Variants in CCDC178 observed in about 807,000 individuals in gnomAD.
The protein encoded by CCDC178 is coiled-coil domain containing 178.
Under a neutral mutation model 117.4 loss-of-function variants are expected in CCDC178, and 126 were observed. That is an observed-to-expected ratio of 1.07 (90% CI 0.93 to 1.24). The LOEUF is 1.24. Ranked by LOEUF, CCDC178 falls within the 50% of genes most tolerant of loss-of-function variation. The probability of loss-of-function intolerance (pLI) is 0.00; values close to 1 mark genes in which losing one functional copy is unlikely to be tolerated. For synonymous variants in CCDC178, 283 were observed against 313.4 expected (o/e 0.90, Z 1.02); for missense variants, 1,030 against 986.9 (o/e 1.04, Z -0.59).
chr18:33,123,856 A>G (rs2057968987), intron 20 of CCDC178, among the ~76,000 whole-genome samples: 1 of 152,152 alleles, frequency 6.6e-6, no homozygotes, highest in East Asian at 1.9e-4. Flanking sequence ...AAATCAGCAA[A>G]TATATTACAA....
At chr18:33,400,629 G>A (rs2063697241) in intron 3 of CCDC178, among the ~76,000 whole-genome samples, 1 of 152,172 alleles carries the variant, frequency 6.6e-6, no homozygotes, top group African/African-American at 2.4e-5. Context: ...GAACTGAATA[G>A]AGTTAGGGCC....
At chr18:33,305,892 G>A (rs1330751371) in intron 11 of CCDC178, among the ~76,000 whole-genome samples, 2 of 152,124 alleles carry the variant, frequency 1.3e-5, no homozygotes, top group African/African-American at 2.4e-5. Context: ...AAGACACCTA[G>A]GGGAGACTGC....
At chr18:33,436,317 A>T (rs1255985670) in intron 2 of CCDC178, among the ~76,000 whole-genome samples, 1 of 152,180 alleles carries the variant, frequency 6.6e-6, no homozygotes, top group Non-Finnish European at 1.5e-5. Flanking sequence ...ATAGGAGCAG[A>T]GTTTAGGTAA....
At position 33,342,775 on chromosome 18, in the gene CCDC178, T is replaced by C. The variant is rs541691699; in HGVS notation, c.658+3436A>G. Among the ~76,000 whole-genome samples, 6 of 152,312 alleles carry C rather than the reference T, an allele frequency of 3.9e-5. No individual in the cohort carries two copies. In the South Asian group the frequency reaches 1.2e-3, roughly 32 times the overall value. On this transcript the variant is annotated intron_variant, in intron 9 of 22. Coordinates refer to ENST00000383096, the MANE Select transcript of CCDC178 (RefSeq NM_001105528.4). ...TCAGCAAATAAGAAAATGCTTATTG[T>C]TGTAAGCCACTGAGTTCCAAGGTGG...
intron 12 of CCDC178, among the ~76,000 whole-genome samples, chr18:33,269,831 C>T (rs1447403683): frequency 6.6e-6 from 1 of 151,490 alleles, no homozygotes; most frequent in African/African-American, 2.4e-5. Flanking sequence ...TTTTCAACAA[C>T]TAAAAATGAG....
In CCDC178 at chr18:33,268,426, A is replaced by C. The variant is rs114051214; in HGVS notation, c.1177-1129T>G. Among the ~76,000 whole-genome samples, 739 of 152,014 alleles carry C rather than the reference A, an allele frequency of 4.9e-3. 5 individuals are homozygous for C. Among genetic ancestry groups the C allele is most frequent in the African/African-American group, 0.017 (707 of 41,532 alleles). On this transcript the variant is annotated intron_variant, in intron 12 of 22. Coordinates refer to ENST00000383096, the MANE Select transcript of CCDC178 (RefSeq NM_001105528.4). ...TGAAATCTCTGTTTAAAAAAATTCAAAGTGGTCTCTATACCTCACATCTAA... is the reference window on the plus strand; with the variant it reads ...TGAAATCTCTGTTTAAAAAAATTCACAGTGGTCTCTATACCTCACATCTAA...
In CCDC178 at chr18:33,182,870, C is replaced by T. The variant is rs148954683; in HGVS notation, c.2238+29026G>A. Reference sequence around the variant, plus strand: ...TTAAAAAGTATATTTGCAATGTGACCGTTTGGTTTAATGATCAATTCTTAA... The same window carrying T: ...TTAAAAAGTATATTTGCAATGTGACTGTTTGGTTTAATGATCAATTCTTAA... On this transcript the variant is annotated intron_variant, in intron 20 of 22. Transcript: ENST00000383096. Among the ~76,000 whole-genome samples, 351 of 151,762 alleles carry T rather than the reference C, an allele frequency of 2.3e-3. 2 individuals are homozygous for T. Among genetic ancestry groups the T allele is most frequent in the African/African-American group, 7.7e-3 (320 of 41,458 alleles).
At chr18:33,134,802 A>G (rs535541223) in intron 20 of CCDC178, among the ~76,000 whole-genome samples, 4 of 152,204 alleles carry the variant, frequency 2.6e-5, no homozygotes, top group East Asian at 1.9e-4. Context: ...GTTTTCACAC[A>G]TAAGTTTCTC....
At chr18:33,306,776 C>T (rs2062261428) in intron 11 of CCDC178, among the ~76,000 whole-genome samples, 2 of 151,756 alleles carry the variant, frequency 1.3e-5, no homozygotes, top group South Asian at 4.2e-4. Context: ...ATTGTAGCTC[C>T]CATAATCCCC....
intron 21 of CCDC178, among the ~76,000 whole-genome samples, chr18:33,058,095 T>G (rs1400936098): frequency 1.3e-5 from 2 of 151,950 alleles, no homozygotes; most frequent in African/African-American, 4.8e-5. Flanking sequence ...TAAGAGTTCA[T>G]CAAAAGGTAA....
chr18:33,060,614 G>T (rs546871798), intron 21 of CCDC178, among the ~76,000 whole-genome samples: 1 of 151,922 alleles, frequency 6.6e-6, no homozygotes, highest in South Asian at 2.1e-4. Context: ...GGACTCGGTT[G>T]TAACTTTCCC....
rs1222544917 is a variant in CCDC178, at chr18:33,264,083, C to CA, written c.1409+2832dup. Among the ~76,000 whole-genome samples the CA allele has an allele frequency of 5.3e-5, 8 of 151,884 alleles. No homozygotes were observed. The South Asian group carries it at 1.2e-3, about 24-fold the overall frequency. ...ATAAGCTTTAAATATCTGTGTCAAA[C>CA]AAAAAAATCATAAAACAATCTAGCA... On this transcript the variant is annotated intron_variant, in intron 14 of 22. Transcript: ENST00000383096.
chr18:33,248,511 TGTG>T (rs1472011634), intron 14 of CCDC178, among the ~76,000 whole-genome samples: 2 of 149,524 alleles, frequency 1.3e-5, no homozygotes, highest in Non-Finnish European at 3.0e-5. Context: ...AGTGAGAACA[TGTG>T]GTGTTTGGTT....
intron 5 of CCDC178, among the ~76,000 whole-genome samples, chr18:33,373,036 G>A (rs1568183597): frequency 6.6e-6 from 1 of 152,018 alleles, no homozygotes; most frequent in African/African-American, 2.4e-5. Context: ...GTGCTCTTGA[G>A]GTTAAAAATA....
chr18:33,310,896 A>G (rs1453555886), intron 11 of CCDC178, among the ~76,000 whole-genome samples: 1 of 152,112 alleles, frequency 6.6e-6, no homozygotes, highest in Non-Finnish European at 1.5e-5. Flanking sequence ...CCTCTCAGGG[A>G]GTCAACCCAG....
intron 12 of CCDC178, among the ~76,000 whole-genome samples, chr18:33,291,083 G>A (rs1015573274): frequency 2.0e-5 from 3 of 152,104 alleles, no homozygotes; most frequent in Non-Finnish European, 2.9e-5. Context: ...TCTAAACATA[G>A]TTTCATCTAA....
intron 6 of CCDC178, among the ~76,000 whole-genome samples, chr18:33,360,255 T>A (rs555750972): frequency 2.0e-5 from 3 of 150,696 alleles, no homozygotes; most frequent in South Asian, 4.1e-4. Flanking sequence ...AAACAGGTAC[T>A]TAATCAAATC....
chr18:33,158,701 G>A (rs2058429326), intron 20 of CCDC178, among the ~76,000 whole-genome samples: 1 of 151,950 alleles, frequency 6.6e-6, no homozygotes, highest in Non-Finnish European at 1.5e-5. Context: ...TTTGTTTAAG[G>A]TTAAATATTT....
Position 33,212,819 on chromosome 18 carries a change from C to A in CCDC178, c.2079-764G>T, listed in dbSNP as rs143655578. ...GTGAACTCAGTAGTTATGTAAGGAA[C>A]AATACTAGTAGAAAAATATCAAAAC... On this transcript the variant is annotated intron_variant, in intron 19 of 22. Transcript: ENST00000383096. Among the ~76,000 whole-genome samples the A allele has an allele frequency of 7.6e-4, 116 of 151,918 alleles. 1 individual carries two copies. The highest frequency in any genetic ancestry group is 2.6e-3 in the African/African-American group (106 of 41,450).
Sources: allele counts gnomAD v4.1 joint callset (sites outside exome capture counted in the v4.1 genomes callset), GRCh38; gene constraint gnomAD v4.1.1; transcripts MANE v1.5; gene names NCBI Gene and HGNC (gene_info 2026-07-23, HGNC 2026-07-21).